Variants in NR2F1-AS1 observed in about 807,000 individuals in gnomAD.
NR2F1-AS1 encodes NR2F1 regulatory antisense RNA 1.
At chr5:93,426,166 G>A (rs1316512367) in intron 4 of NR2F1-AS1, among the ~76,000 whole-genome samples, 1 of 151,526 alleles carries the variant, frequency 6.6e-6, no homozygotes, top group African/African-American at 2.4e-5. Context: ...TTGTGCCTCA[G>A]CCTCCTGAGT....
chr5:93,486,163 A>G (rs1750712142), intron 4 of NR2F1-AS1, among the ~76,000 whole-genome samples: 2 of 142,502 alleles, frequency 1.4e-5, no homozygotes, highest in Admixed American at 7.0e-5. Context: ...ACCTAATGCT[A>G]GATGACGAGT....
intron 4 of NR2F1-AS1, among the ~76,000 whole-genome samples, chr5:93,485,934 T>TA (rs1467064530): frequency 7.2e-6 from 1 of 138,500 alleles, no homozygotes; most frequent in East Asian, 2.1e-4. Flanking sequence ...TATGCAGCCA[T>TA]AAAAAATGAT....
chr5:93,575,270 C>A (rs983102971), intron 1 of NR2F1-AS1, among the ~76,000 whole-genome samples: 1 of 152,230 alleles, frequency 6.6e-6, no homozygotes, highest in Admixed American at 6.5e-5. Flanking sequence ...AATCCAATGT[C>A]CTTTTCTGGA....
At chr5:93,466,832 A>G (rs962721545) in intron 4 of NR2F1-AS1, among the ~76,000 whole-genome samples, 1 of 143,644 alleles carries the variant, frequency 7.0e-6, no homozygotes, top group African/African-American at 2.6e-5. Context: ...CTCCTACATC[A>G]GGAATACTGA....
At chr5:93,457,751 T>G (rs756976841) in intron 4 of NR2F1-AS1, among the ~76,000 whole-genome samples, 5 of 152,118 alleles carry the variant, frequency 3.3e-5, no homozygotes, top group Admixed American at 6.5e-5. Flanking sequence ...CTAGGCTTTT[T>G]TTTTTTAGCT....
chr5:93,450,914 CAAAAAAAAA>C (rs60895927), intron 4 of NR2F1-AS1, among the ~76,000 whole-genome samples: 2 of 54,046 alleles, frequency 3.7e-5, no homozygotes, highest in African/African-American at 5.3e-5. Flanking sequence ...GAATCTGCTT[CAAAAAAAAA>C]AAAAAAAAAA....
At chr5:93,455,358 T>C (rs1165440319) in intron 4 of NR2F1-AS1, among the ~76,000 whole-genome samples, 1 of 152,154 alleles carries the variant, frequency 6.6e-6, no homozygotes, top group Non-Finnish European at 1.5e-5. Flanking sequence ...TGTGATAAGT[T>C]AAAGATGTGT....
intron 4 of NR2F1-AS1, among the ~76,000 whole-genome samples, chr5:93,494,805 C>A (rs1404924926): frequency 6.6e-6 from 1 of 152,124 alleles, no homozygotes; most frequent in African/African-American, 2.4e-5. Context: ...ATGTTTATAG[C>A]AGTATTATTC....
intron 4 of NR2F1-AS1, among the ~76,000 whole-genome samples, chr5:93,522,183 A>G (rs1213230296): frequency 6.6e-6 from 1 of 152,152 alleles, no homozygotes; most frequent in Non-Finnish European, 1.5e-5. Flanking sequence ...AGAAGGGAAC[A>G]ATAGACACTG....
intron 4 of NR2F1-AS1, among the ~76,000 whole-genome samples, chr5:93,461,745 C>A (rs1226398754): frequency 6.6e-6 from 1 of 152,124 alleles, no homozygotes; most frequent in Non-Finnish European, 1.5e-5. Context: ...ATATGCACTA[C>A]AGATGGGCCA....
chr5:93,467,768 C>T (rs1187966633), intron 4 of NR2F1-AS1, among the ~76,000 whole-genome samples: 2 of 152,168 alleles, frequency 1.3e-5, no homozygotes, highest in Non-Finnish European at 2.9e-5. Flanking sequence ...TGTTGGTTTG[C>T]TGCACCCATT....
chr5:93,557,937 G>A (rs956706724), intron 2 of NR2F1-AS1, among the ~76,000 whole-genome samples: 1 of 152,184 alleles, frequency 6.6e-6, no homozygotes, highest in Non-Finnish European at 1.5e-5. Flanking sequence ...ATCTTTACCA[G>A]GGTACATTCC....
At chr5:93,526,400 G>A (rs780945666) in intron 4 of NR2F1-AS1, among the ~76,000 whole-genome samples, 24 of 152,112 alleles carry the variant, frequency 1.6e-4, no homozygotes, top group African/African-American at 3.4e-4. Context: ...ATTCACAGAC[G>A]AATTCTAGCA....
intron 4 of NR2F1-AS1, among the ~76,000 whole-genome samples, chr5:93,413,171 A>C (rs1748895830): frequency 6.7e-6 from 1 of 149,656 alleles, no homozygotes; most frequent in Non-Finnish European, 1.5e-5. Context: ...GTAAATGTCT[A>C]AACTACATCA....
intron 4 of NR2F1-AS1, chr5:93,495,990 T>C (rs1750952427): frequency 6.6e-6 from 1 of 152,112 alleles, no homozygotes; most frequent in Admixed American, 6.6e-5. Context: ...TACATACCTA[T>C]GATTTGAACA....
chr5:93,532,936 C>T (rs1453330454), intron 4 of NR2F1-AS1, among the ~76,000 whole-genome samples: 6 of 152,180 alleles, frequency 3.9e-5, no homozygotes, highest in Admixed American at 2.0e-4. Flanking sequence ...AATTTTTAAA[C>T]TGAATATTAC....
chr5:93,449,599 C>A (rs1202290051), intron 4 of NR2F1-AS1, among the ~76,000 whole-genome samples: 1 of 152,104 alleles, frequency 6.6e-6, no homozygotes, highest in African/African-American at 2.4e-5. Context: ...AGAAATTAAT[C>A]ATTTATAGAC....
rs375848572 is a variant in NR2F1-AS1, at chr5:93,549,314, T to A, written n.638+4447A>T. 2.0e-4 allele frequency among the ~76,000 whole-genome samples: 30 copies of A among 152,216 alleles called. No individual in the cohort carries two copies. The East Asian group carries it at 4.4e-3, about 23-fold the overall frequency. On this transcript the variant is annotated intron_variant and non_coding_transcript_variant, in intron 4 of 5. Coordinates refer to ENST00000660523, the Ensembl canonical transcript of NR2F1-AS1. ...CAGAAGGGATTTTTTATAAAATATA[T>A]CCTTATAAAGACAATGAAATAGCAA...
At chr5:93,447,514 C>G (rs1749739472) in intron 4 of NR2F1-AS1, among the ~76,000 whole-genome samples, 1 of 152,206 alleles carries the variant, frequency 6.6e-6, no homozygotes, top group Non-Finnish European at 1.5e-5. Flanking sequence ...GATACCATCT[C>G]AAACCAGTTA....
Sources: gnomAD v4.1 joint callset for allele counts (sites outside exome capture counted in the v4.1 genomes callset) on GRCh38, gnomAD v4.1.1 for gene constraint, MANE v1.5 for transcripts, NCBI Gene and HGNC (gene_info 2026-07-23, HGNC 2026-07-21) for gene names.